Variants in OR1L8 observed in about 807,000 individuals in gnomAD.
OR1L8 encodes olfactory receptor 1L8.
For missense variants in OR1L8, 330 were observed against 377.4 expected, an observed-to-expected ratio of 0.87 and a Z score of 1.04; for synonymous variants, 148 against 147.0, an observed-to-expected ratio of 1.01 and a Z score of -0.05.
Position 122,567,934 on chromosome 9 carries a change from G to C in OR1L8, c.544C>G (p.Leu182Val). ...CAGGACAATTTCAGCACAGGGCTGAGGTCACAGAGAAAGTGGTGGATAACA... is the reference window on the plus strand; with the variant it reads ...CAGGACAATTTCAGCACAGGGCTGACGTCACAGAGAAAGTGGTGGATAACA... Reference protein sequence around the residue: ...SNVIHHFLCDLSPVLKLSCSS... With the variant: ...SNVIHHFLCDVSPVLKLSCSS... Residue 182 changes from leucine (L) to valine (V), a missense_variant, in exon 5 of 5, where the codon CTC becomes GTC. Leu to Val is a conservative substitution (Grantham distance 32). Coordinates refer to ENST00000641027, the MANE Select transcript of OR1L8 (RefSeq NM_001004454.2). The C allele has an allele frequency of 6.2e-7, 1 of 1,614,114 alleles. No individual in the cohort carries two copies. Among genetic ancestry groups the C allele is most frequent in the Non-Finnish European group, 8.5e-7 (1 of 1,179,974 alleles).
At chr9:122,580,939 A>G (rs1829731604) in intron 1 of OR1L8, among the ~76,000 whole-genome samples, 1 of 152,256 alleles carries the variant, frequency 6.6e-6, no homozygotes, top group South Asian at 2.1e-4. Context: ...CTACAATAAA[A>G]TAAGGTCCTA....
At chr9:122,552,826 T>C in the OR1L8 span, among the ~76,000 whole-genome samples, 1 of 146,190 alleles carries the variant, frequency 6.8e-6, no homozygotes, top group Non-Finnish European at 1.5e-5. Context: ...TTGATGGAGA[T>C]CATGCATCTT....
chr9:122,568,288 A>C lies in OR1L8; in HGVS notation c.190T>G (p.Leu64Val), dbSNP rs566061152. Residue 64 changes from leucine (L) to valine (V), a missense_variant, in exon 5 of 5, where the codon TTG (leucine) becomes GTG (valine). Transcript: ENST00000641027. Reference protein sequence around the residue: ...PHLQTPMYFFLSFLSLTDICF... With the variant: ...PHLQTPMYFFVSFLSLTDICF... Reference sequence around the variant, plus strand: ...ATATCAGTGAGAGACAGAAAACTCAAGAAGAAATACATAGGGGTCTGAAGA... The same window carrying C: ...ATATCAGTGAGAGACAGAAAACTCACGAAGAAATACATAGGGGTCTGAAGA... 3.1e-6 allele frequency: 5 copies of C among 1,614,058 alleles called. No individual in the cohort carries two copies. The highest frequency in any genetic ancestry group is 3.4e-6 in the Non-Finnish European group (4 of 1,180,018).
chr9:122,575,549 T>C (rs542319895), intron 3 of OR1L8, among the ~76,000 whole-genome samples: 59 of 151,828 alleles, frequency 3.9e-4, no homozygotes, highest in African/African-American at 1.4e-3. Context: ...GATGTTCCCT[T>C]ATTTATTTCT....
At chr9:122,582,076 CAT>C (rs1829745221) in intron 1 of OR1L8, among the ~76,000 whole-genome samples, 1 of 152,140 alleles carries the variant, frequency 6.6e-6, no homozygotes, top group African/African-American at 2.4e-5. Flanking sequence ...GGACTAAGCT[CAT>C]AGTGTAAGAA....
chr9:122,559,306 A>T, the OR1L8 span, among the ~76,000 whole-genome samples: 6 of 150,824 alleles, frequency 4.0e-5, no homozygotes, highest in East Asian at 3.9e-4. Flanking sequence ...ATTTATTTTT[A>T]TTTTTTTTTA....
downstream of OR1L8, among the ~76,000 whole-genome samples, chr9:122,563,217 C>G (rs187222117): frequency 5.3e-5 from 8 of 150,636 alleles, no homozygotes; most frequent in Admixed American, 5.3e-4. Context: ...AATAGCCATT[C>G]TAACTGGGAT....
At chr9:122,581,847 G>A (rs1008959275) in intron 1 of OR1L8, among the ~76,000 whole-genome samples, 1 of 152,110 alleles carries the variant, frequency 6.6e-6, no homozygotes, top group Non-Finnish European at 1.5e-5. Flanking sequence ...AAAAGGTGGA[G>A]GTTGCAGTGA....
the OR1L8 span, among the ~76,000 whole-genome samples, chr9:122,554,642 G>A: frequency 6.6e-6 from 1 of 152,180 alleles, no homozygotes; most frequent in Non-Finnish European, 1.5e-5. Context: ...GTCAATTTAT[G>A]CCTATCGACT....
At chr9:122,554,202 C>T in the OR1L8 span, 1 of 1,481,398 alleles carries the variant, frequency 6.8e-7, no homozygotes, top group Non-Finnish European at 9.2e-7. Flanking sequence ...TGATCAACCC[C>T]TCCCTGTCTT....
At position 122,567,941 on chromosome 9, in the gene OR1L8, G is replaced by A. The variant is rs1829463601; in HGVS notation, c.537C>T (p.Leu179=). The part of the protein sequence containing the change: ...FCDSNVIHHF[L]CDLSPVLKLS... ...ATTTCAGCACAGGGCTGAGGTCACA[G>A]AGAAAGTGGTGGATAACATTGGAGT... Residue 179 remains leucine (L), a synonymous_variant, in exon 5 of 5, where the codon CTC becomes CTT. Transcript: ENST00000641027. 7 of 1,614,098 alleles carry A rather than the reference G, an allele frequency of 4.3e-6. No homozygotes were observed. Among genetic ancestry groups the A allele is most frequent in the Non-Finnish European group, 5.9e-6 (7 of 1,180,038 alleles).
At chr9:122,579,026 A>T (rs1829704906) in intron 1 of OR1L8, among the ~76,000 whole-genome samples, 1 of 151,432 alleles carries the variant, frequency 6.6e-6, no homozygotes. Flanking sequence ...TTCCCCAAAA[A>T]CCTACTGAAA....
At chr9:122,563,170 C>T (rs1215759915), downstream of OR1L8, among the ~76,000 whole-genome samples, 1 of 132,606 alleles carries the variant, frequency 7.5e-6, no homozygotes, top group Non-Finnish European at 1.6e-5. Context: ...TCCACATCCT[C>T]ACTAGCATTT....
intron 1 of OR1L8, among the ~76,000 whole-genome samples, chr9:122,581,040 T>A (rs1419282806): frequency 6.6e-6 from 1 of 152,158 alleles, no homozygotes; most frequent in East Asian, 1.9e-4. Context: ...GAATATTAAA[T>A]ATAATTATAA....
the OR1L8 span, among the ~76,000 whole-genome samples, chr9:122,559,838 A>G: frequency 6.6e-5 from 10 of 152,246 alleles, no homozygotes; most frequent in African/African-American, 2.4e-4. Flanking sequence ...GTCGACGTTT[A>G]TTAGGTCTAC....
chr9:122,553,047 C>T, the OR1L8 span: 2 of 721,878 alleles, frequency 2.8e-6, no homozygotes, highest in South Asian at 1.9e-5. Flanking sequence ...CCTTGCATTC[C>T]CAGTGAGATT....
chr9:122,581,731 G>A (rs1452413640), intron 1 of OR1L8, among the ~76,000 whole-genome samples: 2 of 152,026 alleles, frequency 1.3e-5, no homozygotes, highest in Admixed American at 1.3e-4. Context: ...TAGATCACCT[G>A]AGGTCAGGAG....
intron 3 of OR1L8, among the ~76,000 whole-genome samples, chr9:122,574,092 GC>G (rs1182766805): frequency 6.6e-6 from 1 of 152,054 alleles, no homozygotes; most frequent in Admixed American, 6.5e-5. Flanking sequence ...CTATTCTTTT[GC>G]CAGTATATAT....
chr9:122,550,755 T>C, the OR1L8 span, among the ~76,000 whole-genome samples: 1 of 151,836 alleles, frequency 6.6e-6, no homozygotes, highest in Admixed American at 6.6e-5. Context: ...TACCTAAATA[T>C]AATAAAAGCC....
Sources: allele counts gnomAD v4.1 joint callset (sites outside exome capture counted in the v4.1 genomes callset), GRCh38; gene constraint gnomAD v4.1.1; transcripts MANE v1.5; gene names NCBI Gene and HGNC (gene_info 2026-07-23, HGNC 2026-07-21).